Variants in KNDC1 observed in about 807,000 individuals in gnomAD.
KNDC1 encodes the protein kinase non-catalytic C-lobe domain-containing protein 1.
In KNDC1, 106 loss-of-function variants were observed where a neutral mutation model predicts 172.8. That is an observed-to-expected ratio of 0.61 (90% CI 0.52 to 0.72). The LOEUF (loss-of-function observed/expected upper bound fraction) is 0.72. Ranked by LOEUF, KNDC1 falls within the 30% of genes least tolerant of loss-of-function variation. KNDC1 has a pLI of 0.00. For missense variants in KNDC1, 2,325 were observed against 2,394.5 expected, an observed-to-expected ratio of 0.97 and a Z score of 0.61; for synonymous variants, 1,083 against 1,062.2, an observed-to-expected ratio of 1.02 and a Z score of -0.38.
intron 9 of KNDC1, among the ~76,000 whole-genome samples, chr10:133,193,354 G>A (rs1209364821): frequency 2.0e-5 from 3 of 152,078 alleles, no homozygotes; most frequent in African/African-American, 7.2e-5. Flanking sequence ...ACGAAACCCT[G>A]TATCTACTAA....
At position 133,160,450 on chromosome 10, in the gene KNDC1, G is replaced by T. The variant is rs1188312330; in HGVS notation, c.-18G>T. 3 of 1,497,424 alleles carry T rather than the reference G, an allele frequency of 2.0e-6. No individual in the cohort carries two copies. Among genetic ancestry groups the T allele is most frequent in the Admixed American group, 2.1e-5 (1 of 46,852 alleles). The allele number at this position is 1,497,424 out of a possible 1,614,324, so 92.8% of individuals were successfully genotyped here. A position where few individuals can be genotyped will look rare whatever the true frequency, so the allele number is the denominator to read the frequency against. On this transcript the variant is annotated 5_prime_UTR_variant, in exon 1 of 30. Coordinates refer to ENST00000304613, the MANE Select transcript of KNDC1 (RefSeq NM_152643.8). ...CCCAGCCGGAGGCCCCGGGGGCGGT[G>T]CGCGGCGCGGCCGCAGGATGCAGGC...
In KNDC1 at chr10:133,201,487, C is replaced by T. The variant is rs768335967; in HGVS notation, c.2990-14C>T. 5 of 1,579,624 alleles carry T rather than the reference C, an allele frequency of 3.2e-6. No homozygotes were observed. The highest frequency in any genetic ancestry group is 3.7e-5 in the Admixed American group (2 of 54,596). On this transcript the variant is annotated splice_polypyrimidine_tract_variant and intron_variant, in intron 16 of 29. Transcript: ENST00000304613. ...GAGCCACTGTCCACGTAACCTGCGT[C>T]TCTTTCTTTCAAGGAAAAGAGAAGC...
chr10:133,201,958 C>T, intron 17 of KNDC1, 60 bp downstream of exon 17: 7 of 1,498,692 alleles, frequency 4.7e-6, no homozygotes, highest in Non-Finnish European at 6.3e-6. Flanking sequence ...AGCAGAGCTT[C>T]CTGGTCACTG....
intron 25 of KNDC1, 75 bp downstream of exon 25, chr10:133,213,802 C>T (rs927394365): frequency 1.1e-5 from 17 of 1,479,768 alleles, no homozygotes; most frequent in Non-Finnish European, 1.2e-5. Flanking sequence ...CTTGTGGACG[C>T]TCCTGACCAG....
chr10:133,179,762 A>C (rs555841075), intron 3 of KNDC1, among the ~76,000 whole-genome samples: 6 of 152,098 alleles, frequency 3.9e-5, no homozygotes, highest in Admixed American at 6.5e-5. Context: ...GCTTTGGACC[A>C]CAGAGAGGCC....
In KNDC1 at chr10:133,160,588, T is replaced by G. The variant is rs745603145; in HGVS notation, c.102+19T>G. 3 of 1,523,592 alleles carry G rather than the reference T, an allele frequency of 2.0e-6. No homozygotes were observed. The highest frequency in any genetic ancestry group is 2.8e-5 in the African/African-American group (2 of 71,858). The allele number at this position is 1,523,592 out of a possible 1,614,324, so 94.4% of individuals were successfully genotyped here. On this transcript the variant is annotated intron_variant, in intron 1 of 29. Coordinates refer to ENST00000304613, the MANE Select transcript of KNDC1 (RefSeq NM_152643.8). ...GGACGAGGTGAGCCCCCGGCCCCAC[T>G]GGGGGGCCCCTTCCGCCGCCGAGGG...
In KNDC1 at chr10:133,195,790, C is replaced by T. The variant is rs761690802; in HGVS notation, c.1703C>T (p.Pro568Leu). The T allele has an allele frequency of 1.9e-5, 30 of 1,589,560 alleles. No individual in the cohort carries two copies. The African/African-American group carries it at 2.3e-4, about 12-fold the overall frequency. Reference protein sequence around the residue: ...LLLDMARRSAPERPSAAEAIK... With the variant: ...LLLDMARRSALERPSAAEAIK... ...CTGGACATGGCCAGGCGCAGTGCCC[C>T]GGAGCGGCCGTCCGCGGCTGAGGCC... The change falls in exon 10 of 30, where the codon CCG (proline) becomes CTG (leucine). Residue 568 changes from proline (P) to leucine (L), a missense_variant. Pro to Leu is a moderately conservative substitution (Grantham distance 98). Transcript: ENST00000304613.
Position 133,211,550 on chromosome 10 carries a change from A to T in KNDC1, c.4037A>T (p.Glu1346Val). ...PRNSGLLGKL[E>V]DFISSKILPL... ...AACAGCGGGCTGCTGGGGAAGCTAG[A>T]GGACTTCATCTCCTCCAAGGTGACA... Residue 1346 changes from glutamate to valine, a missense_variant, in exon 22 of 30, where the codon GAG becomes GTG. Transcript: ENST00000304613. The T allele has an allele frequency of 6.2e-7, 1 of 1,613,844 alleles. No individual in the cohort carries two copies. Among genetic ancestry groups the T allele is most frequent in the Non-Finnish European group, 8.5e-7 (1 of 1,179,822 alleles).
chr10:133,215,775 C>T (rs1442285792), intron 26 of KNDC1, among the ~76,000 whole-genome samples: 1 of 152,232 alleles, frequency 6.6e-6, no homozygotes, highest in Non-Finnish European at 1.5e-5. Flanking sequence ...CCGGGATGGC[C>T]GCTCGTCCTG....
intron 1 of KNDC1, 40 bp downstream of exon 1, chr10:133,160,609 G>T (rs1482097215): frequency 6.9e-7 from 1 of 1,454,602 alleles, no homozygotes. Context: ...TTCCGCCGCC[G>T]AGGGGTCCGC....
chr10:133,188,287 G>T (rs1017076947), intron 6 of KNDC1, among the ~76,000 whole-genome samples: 3 of 152,156 alleles, frequency 2.0e-5, no homozygotes, highest in Non-Finnish European at 4.4e-5. Flanking sequence ...TTCAAGGAAC[G>T]GCAGCACTGT....
intron 2 of KNDC1, among the ~76,000 whole-genome samples, chr10:133,167,897 C>G (rs1194036299): frequency 6.6e-6 from 1 of 152,222 alleles, no homozygotes; most frequent in Non-Finnish European, 1.5e-5. Context: ...TGAGCCAGTC[C>G]CGCCTGCCCT....
At chr10:133,210,008 G>A (rs553135049) in intron 20 of KNDC1, among the ~76,000 whole-genome samples, 144 of 152,202 alleles carry the variant, frequency 9.5e-4, no homozygotes, top group Non-Finnish European at 1.7e-3. Context: ...CGGTCCCGAG[G>A]CACCAGCTCC....
intron 10 of KNDC1, among the ~76,000 whole-genome samples, chr10:133,196,589 G>C (rs1854197966): frequency 6.6e-6 from 1 of 152,228 alleles, no homozygotes; most frequent in South Asian, 2.1e-4. Flanking sequence ...GGCCTCCTCT[G>C]CTGCAGGAGG....
chr10:133,219,189 CAG>C, intron 28 of KNDC1, 99 bp downstream of exon 28: 2 of 1,427,794 alleles, frequency 1.4e-6, no homozygotes, highest in South Asian at 1.2e-5. Context: ...GCAGGCACCA[CAG>C]AGTGTGTGCA....
At chr10:133,212,559 C>T (rs1184217688) in intron 23 of KNDC1, among the ~76,000 whole-genome samples, 157 bp from the exon 24 acceptor site, 1 of 152,232 alleles carries the variant, frequency 6.6e-6, no homozygotes, top group Admixed American at 6.5e-5. Flanking sequence ...AGCACAGCTG[C>T]GGGTGGGCAG....
rs1589782175 is a variant in KNDC1 at position 133,224,877 on chromosome 10, C to A, written c.5237C>A (p.Ala1746Asp). 6.2e-7 allele frequency: 1 copy of A among 1,612,950 alleles called. No homozygotes were observed. The highest frequency in any genetic ancestry group is 8.5e-7 in the Non-Finnish European group (1 of 1,179,260). Residue 1746 changes from alanine to aspartate, a missense_variant, in exon 30 of 30, where the codon GCT (alanine) becomes GAT (aspartate). Ala to Asp is a moderately radical substitution (Grantham distance 126). Transcript: ENST00000304613. This position sits in a 1 kb window ranked among gnomAD's most constrained non-coding sequence, Gnocchi z 5.4. ...KIQDKLRRMK[A>D]TFQ is the part of the protein sequence containing the mutation. ...CAGGACAAGCTACGGAGGATGAAGGCTACATTCCAGTAGCCGAGCTCGGGC... is the reference window on the plus strand; with the variant it reads ...CAGGACAAGCTACGGAGGATGAAGGATACATTCCAGTAGCCGAGCTCGGGC...
At chr10:133,197,884 G>A in intron 12 of KNDC1, 116 bp downstream of exon 12, 1 of 874,220 alleles carries the variant, frequency 1.1e-6, no homozygotes. Flanking sequence ...CGGGAAGCAA[G>A]TCCAGAGCTC....
intron 11 of KNDC1, 61 bp downstream of exon 11, chr10:133,197,196 C>T (rs1050047981): frequency 7.3e-5 from 99 of 1,363,658 alleles, no homozygotes; most frequent in Non-Finnish European, 9.6e-5. Flanking sequence ...CCCTCCTGGA[C>T]GCACTTGCCC....
Sources: allele counts gnomAD v4.1 joint callset (sites outside exome capture counted in the v4.1 genomes callset), GRCh38; gene constraint gnomAD v4.1.1; non-coding constraint Gnocchi (gnomAD v3.1); transcripts MANE v1.5; gene names NCBI Gene and HGNC (gene_info 2026-07-23, HGNC 2026-07-21).